The following NCALD variants were observed in gnomAD, a reference collection of about 807,000 sequenced individuals.
NCALD encodes the protein neurocalcin delta.
A neutral mutation model predicts 18.6 loss-of-function variants in NCALD; 10 were observed. The observed-to-expected ratio is 0.54, with a 90% CI of 0.33 to 0.91. The LOEUF (loss-of-function observed/expected upper bound fraction) is 0.91, where lower values mean the gene tolerates loss of function less well. Ranked by LOEUF, NCALD falls within the 40% of genes least tolerant of loss-of-function variation. The pLI is 0.03. For missense variants in NCALD, 184 were observed against 247.6 expected (o/e 0.74, Z 1.72); for synonymous variants, 88 against 87.4 (o/e 1.01, Z -0.04).
chr8:101,802,630 C>A (rs2131087791), intron 4 of NCALD, among the ~76,000 whole-genome samples: 1 of 151,844 alleles, frequency 6.6e-6, no homozygotes, highest in Admixed American at 6.5e-5. Flanking sequence ...GTTTTAGTAG[C>A]CTGGAGAGAA....
upstream of NCALD, among the ~76,000 whole-genome samples, chr8:101,793,774 C>G (rs566730607): frequency 6.6e-6 from 1 of 152,118 alleles, no homozygotes; most frequent in Non-Finnish European, 1.5e-5. Flanking sequence ...AAAAATAGTT[C>G]TGCATCTTAT....
At chr8:101,971,065 A>T (rs951906744) in intron 2 of NCALD, among the ~76,000 whole-genome samples, 3 of 152,196 alleles carry the variant, frequency 2.0e-5, no homozygotes, top group Non-Finnish European at 2.9e-5. Context: ...GTCTTGATGC[A>T]GCAGATGGCC....
At chr8:102,026,288 A>G (rs538351101) in intron 1 of NCALD, among the ~76,000 whole-genome samples, 60 of 152,334 alleles carry the variant, frequency 3.9e-4, no homozygotes, top group African/African-American at 1.4e-3. Flanking sequence ...CCAAAGTCTC[A>G]TCTGAGACAA....
At chr8:101,809,203 G>C (rs973590895) in intron 4 of NCALD, among the ~76,000 whole-genome samples, 1 of 152,182 alleles carries the variant, frequency 6.6e-6, no homozygotes, top group Admixed American at 6.5e-5. Context: ...TGCAAAGACT[G>C]TTTAAAGTCT....
intron 2 of NCALD, among the ~76,000 whole-genome samples, chr8:101,989,356 C>A (rs1415568553): frequency 1.3e-5 from 2 of 152,058 alleles, no homozygotes; most frequent in African/African-American, 4.8e-5. Context: ...TGTTTCTCAC[C>A]CTTAATGCAC....
At chr8:101,886,454 T>G (rs1019572649) in intron 4 of NCALD, among the ~76,000 whole-genome samples, 2 of 152,348 alleles carry the variant, frequency 1.3e-5, no homozygotes, top group African/African-American at 4.8e-5. Flanking sequence ...CTAAGCCATA[T>G]GACTTTGCCT....
intron 4 of NCALD, among the ~76,000 whole-genome samples, chr8:101,810,302 T>G (rs1048005113): frequency 2.0e-5 from 3 of 152,204 alleles, no homozygotes; most frequent in African/African-American, 7.2e-5. Flanking sequence ...TTGGCAATAT[T>G]TGTAACTACC....
chr8:102,047,169 A>G (rs1823274971), intron 1 of NCALD, among the ~76,000 whole-genome samples: 1 of 152,218 alleles, frequency 6.6e-6, no homozygotes. Context: ...ATGGCTGCAT[A>G]GTATTCCACG....
chr8:101,816,473 G>A (rs950449566), intron 4 of NCALD, among the ~76,000 whole-genome samples: 7 of 152,120 alleles, frequency 4.6e-5, no homozygotes, highest in South Asian at 2.1e-4. Flanking sequence ...TGTGCCCCCC[G>A]CCAACATAAT....
At chr8:101,943,233 G>A (rs919201054) in intron 2 of NCALD, among the ~76,000 whole-genome samples, 14 of 152,170 alleles carry the variant, frequency 9.2e-5, no homozygotes, top group Non-Finnish European at 1.6e-4. Context: ...ACAGGCACTC[G>A]AAGAGAAAAG....
At chr8:101,938,666 A>C (rs1037967346) in intron 2 of NCALD, among the ~76,000 whole-genome samples, 3 of 150,916 alleles carry the variant, frequency 2.0e-5, no homozygotes, top group Non-Finnish European at 3.0e-5. Context: ...AAAAAAAAAA[A>C]CTTGTAAGTG....
chr8:101,774,459 T>C (rs552715466), intron 1 of NCALD, among the ~76,000 whole-genome samples: 4 of 152,356 alleles, frequency 2.6e-5, no homozygotes, highest in East Asian at 3.9e-4. Flanking sequence ...ACAATGATGA[T>C]GTAACTCTGA....
intron 2 of NCALD, among the ~76,000 whole-genome samples, chr8:101,993,631 T>C (rs1452630031): frequency 6.6e-6 from 1 of 152,182 alleles, no homozygotes; most frequent in Non-Finnish European, 1.5e-5. Context: ...TTCCCTCCTC[T>C]TGGTCCTCCT....
chr8:101,761,020 G>T (rs1400735205), intron 1 of NCALD, among the ~76,000 whole-genome samples: 2 of 122,912 alleles, frequency 1.6e-5, no homozygotes, highest in African/African-American at 6.1e-5. Context: ...TTCACATTCG[G>T]GTGGGGGCGG....
intron 1 of NCALD, chr8:102,020,526 G>A (rs1289159237): frequency 6.6e-6 from 1 of 152,128 alleles, no homozygotes; most frequent in East Asian, 1.9e-4. Context: ...ATCAGTGATG[G>A]GGATTATTGC....
In NCALD at chr8:101,729,305, T is replaced by A. The variant is rs1417689626; in HGVS notation, c.-19-9657A>T. The stretch of plus-strand genomic sequence containing the variant: ...CAGGAAAAAATTAAAAGAGGGAGAA[T>A]TAAAGAGTTATATAATAATCTCACT... On this transcript the variant is annotated intron_variant, in intron 1 of 3. Transcript: ENST00000220931. Among the ~76,000 whole-genome samples, 5 of 152,014 alleles carry A rather than the reference T, an allele frequency of 3.3e-5. No individual in the cohort carries two copies. The East Asian group carries it at 9.6e-4, about 29-fold the overall frequency.
At chr8:101,714,853 C>T (rs1293208208) in intron 2 of NCALD, among the ~76,000 whole-genome samples, 9 of 150,808 alleles carry the variant, frequency 6.0e-5, no homozygotes, top group East Asian at 3.9e-4. Flanking sequence ...AAAAATTAGC[C>T]GGGCGCGGTG....
chr8:101,894,154 C>T (rs1197288453), intron 3 of NCALD, among the ~76,000 whole-genome samples: 7 of 137,888 alleles, frequency 5.1e-5, no homozygotes, highest in South Asian at 2.3e-4. Flanking sequence ...GAAATTATAA[C>T]AAACTATCTC....
intron 1 of NCALD, among the ~76,000 whole-genome samples, chr8:101,728,672 T>C (rs1816680917): frequency 1.3e-5 from 2 of 152,062 alleles, no homozygotes; most frequent in South Asian, 4.1e-4. Context: ...TACAAAAAAT[T>C]AGCCAGGCAT....
Sources: gnomAD v4.1 joint callset for allele counts (sites outside exome capture counted in the v4.1 genomes callset) on GRCh38, gnomAD v4.1.1 for gene constraint, MANE v1.5 for transcripts, NCBI Gene and HGNC (gene_info 2026-07-23, HGNC 2026-07-21) for gene names.